ALAD: variants seen among roughly 807,000 people sequenced by gnomAD.
ALAD encodes aminolevulinate dehydratase, also known as delta-aminolevulinic acid dehydratase.
Under a neutral mutation model 44.4 loss-of-function variants are expected in ALAD, and 20 were observed. The ratio of observed to expected loss-of-function variants is 0.45; its 90% confidence interval spans 0.32 to 0.65. The LOEUF (loss-of-function observed/expected upper bound fraction) is 0.65, where lower values mean the gene tolerates loss of function less well. Among genes scored for constraint, ALAD ranks in the 30% least tolerant of loss-of-function variants. ALAD has a pLI of 0.05. For missense variants in ALAD, 323 were observed against 445.7 expected, an observed-to-expected ratio of 0.72 and a Z score of 2.48; for synonymous variants, 156 against 167.9, an observed-to-expected ratio of 0.93 and a Z score of 0.55.
chr9:113,390,786 G>GGA lies in ALAD; in HGVS notation c.397+11_397+12insTC. On this transcript the variant is annotated intron_variant, in intron 5 of 11. Coordinates refer to ENST00000409155, the MANE Select transcript of ALAD (RefSeq NM_000031.6). The stretch of plus-strand genomic sequence containing the variant: ...GGGTGGCAGCAGGGCTGGTGGGAGG[G>GGA]AGGGAACTCACCGCAGTGACCATGG... The GGA allele has an allele frequency of 3.1e-6, 5 of 1,604,558 alleles. No individual in the cohort carries two copies. The highest frequency in any genetic ancestry group is 3.4e-6 in the Non-Finnish European group (4 of 1,175,780).
chr9:113,393,167 G>A (rs1827641162), intron 2 of ALAD: 1 of 488,946 alleles, frequency 2.0e-6, no homozygotes. Flanking sequence ...AATGTACAGA[G>A]CACCTTCTCA....
chr9:113,392,080 C>T (rs763273792), intron 3 of ALAD, 39 bp downstream of exon 3: 1 of 1,555,796 alleles, frequency 6.4e-7, no homozygotes, highest in East Asian at 2.3e-5. Flanking sequence ...GAATCTCTCC[C>T]TCCACCACCC....
At chr9:113,399,116 T>A (rs1827800635) in intron 1 of ALAD, among the ~76,000 whole-genome samples, 1 of 152,208 alleles carries the variant, frequency 6.6e-6, no homozygotes, top group African/African-American at 2.4e-5. Context: ...GAAAGATCCA[T>A]GTTTCAGGGT....
Position 113,390,391 on chromosome 9 carries a change from T to C in ALAD, c.570+14A>G, listed in dbSNP as rs1827538314. 6.2e-7 allele frequency: 1 copy of C among 1,613,316 alleles called. No homozygotes were observed. On this transcript the variant is annotated intron_variant, in intron 7 of 11. Transcript: ENST00000409155. ...TATCTCCTGCCAGCCCTGTGCTGCA[T>C]TCCCTGCCCTTACCCTGTTGCCAAG...
intron 1 of ALAD, among the ~76,000 whole-genome samples, chr9:113,397,783 C>T (rs2119011385): frequency 6.6e-6 from 1 of 152,084 alleles, no homozygotes; most frequent in Non-Finnish European, 1.5e-5. Context: ...CATGACCATG[C>T]TTGGCTAATT....
chr9:113,397,620 C>CTTTT (rs554533853), intron 1 of ALAD, among the ~76,000 whole-genome samples: 38 of 108,776 alleles, frequency 3.5e-4, no homozygotes, highest in Non-Finnish European at 4.8e-4. Context: ...TTTTCCTTTT[C>CTTTT]TTTTTTTTTT....
intron 2 of ALAD, chr9:113,393,116 C>T (rs2118997532): frequency 9.2e-6 from 3 of 324,478 alleles, no homozygotes; most frequent in South Asian, 9.2e-5. Flanking sequence ...CCGTGCCCAG[C>T]CTCAATGACT....
At chr9:113,392,497 G>A in intron 2 of ALAD, 1 of 396,214 alleles carries the variant, frequency 2.5e-6, no homozygotes, top group Non-Finnish European at 4.4e-6. Context: ...GGTGACCGTG[G>A]CCAAGTTCTA....
intron 7 of ALAD, 121 bp from the exon 8 acceptor site, chr9:113,389,949 G>A: frequency 8.0e-7 from 1 of 1,244,814 alleles, no homozygotes; most frequent in South Asian, 1.3e-5. Flanking sequence ...GGTCCTGTTG[G>A]AGTGCTGGGC....
At chr9:113,391,110 G>A (rs1259697340) in intron 4 of ALAD, among the ~76,000 whole-genome samples, 177 bp from the exon 5 acceptor site, 2 of 152,220 alleles carry the variant, frequency 1.3e-5, no homozygotes, top group Non-Finnish European at 2.9e-5. Flanking sequence ...CAAAGACCAC[G>A]TCCATTCACC....
chr9:113,392,493 C>T (rs750845295), intron 2 of ALAD: 30 of 418,176 alleles, frequency 7.2e-5, no homozygotes, highest in Middle Eastern at 8.3e-4. Flanking sequence ...CCTGGGTGAC[C>T]GTGGCCAAGT....
rs1588081156 is a variant in ALAD at position 113,388,065 on chromosome 9, A to G, written c.*235T>C. On this transcript the variant is annotated 3_prime_UTR_variant, in exon 12 of 12. Coordinates refer to ENST00000409155, the MANE Select transcript of ALAD (RefSeq NM_000031.6). ...GCTGAGGGTGGCAAAGGTGGGCCTC[A>G]CGGCTGACCCAGGGGAGGGGCGGGG... 3 of 574,578 alleles carry G rather than the reference A, an allele frequency of 5.2e-6. No individual in the cohort carries two copies. Among genetic ancestry groups the G allele is most frequent in the Non-Finnish European group, 6.3e-6 (2 of 315,872 alleles). The allele number at this position is 574,578 out of a possible 1,614,324, so 35.6% of individuals were successfully genotyped here.
At chr9:113,400,554 G>A (rs1415974066) in intron 1 of ALAD, among the ~76,000 whole-genome samples, 1 of 152,234 alleles carries the variant, frequency 6.6e-6, no homozygotes, top group Non-Finnish European at 1.5e-5. Context: ...CGGGCGTGGT[G>A]GCTCACGCCT....
chr9:113,400,840 T>A (rs1289921586), intron 1 of ALAD, among the ~76,000 whole-genome samples: 2 of 151,872 alleles, frequency 1.3e-5, no homozygotes, highest in South Asian at 2.1e-4. Context: ...AATAAATAAA[T>A]AAAATAAATG....
intron 1 of ALAD, among the ~76,000 whole-genome samples, chr9:113,394,401 G>A (rs1827673857): frequency 6.6e-6 from 1 of 151,432 alleles, no homozygotes; most frequent in Non-Finnish European, 1.5e-5. Context: ...AGCCAGGTGT[G>A]GTGGTCCACA....
rs554533853 is a variant in ALAD at position 113,397,620 on chromosome 9, CTTTTTTTTTTT to C, written c.-76+3581_-76+3591del. 6.0e-4 allele frequency among the ~76,000 whole-genome samples: 65 copies of C among 108,782 alleles called. No individual in the cohort carries two copies. The East Asian group carries it at 0.015, about 25-fold the overall frequency. The allele number at this position is 108,782 out of a possible 152,430, so 71.4% of individuals were successfully genotyped here. A position where few individuals can be genotyped will look rare whatever the true frequency, so the allele number is the denominator to read the frequency against. On this transcript the variant is annotated intron_variant, in intron 1 of 11. Coordinates refer to ENST00000409155, the MANE Select transcript of ALAD (RefSeq NM_000031.6). ...TCTGCCAGGAGTTTTTTTTCCTTTT[CTTTTTTTTTTT>C]TTTTTTTTTTTGAGACAGAGTCTGG... is the stretch of plus-strand genomic sequence containing the variant.
intron 1 of ALAD, among the ~76,000 whole-genome samples, chr9:113,394,498 A>G (rs1204599344): frequency 6.6e-6 from 1 of 151,870 alleles, no homozygotes; most frequent in Non-Finnish European, 1.5e-5. Context: ...TGATTGCACC[A>G]CTGCACTCCA....
rs142281125 is a variant in ALAD, at chr9:113,390,883, T to G, written c.312A>C (p.Ala104=). 264 of 1,614,010 alleles carry G rather than the reference T, an allele frequency of 1.6e-4. No individual in the cohort carries two copies. Among genetic ancestry groups the G allele is most frequent in the Non-Finnish European group, 2.1e-4 (244 of 1,180,022 alleles). The change falls in exon 5 of 12, where the codon GCA becomes GCC. Residue 104 remains alanine, a synonymous_variant. Coordinates refer to ENST00000409155, the MANE Select transcript of ALAD (RefSeq NM_000031.6). ...ADSEESPAIE[A]IHLLRKTFPN... The stretch of plus-strand genomic sequence containing the variant: ...GGAAGGTCTTCCTCAACAGATGGAT[T>G]GCCTCAATAGCTGGGGACTCCTCGG...
chr9:113,397,186 C>T (rs1827752875), intron 1 of ALAD: 1 of 152,218 alleles, frequency 6.6e-6, no homozygotes, highest in South Asian at 2.1e-4. Flanking sequence ...CAGAAAACCA[C>T]CTTTGTAACA....
Sources: gnomAD v4.1 joint callset for allele counts (sites outside exome capture counted in the v4.1 genomes callset) on GRCh38, gnomAD v4.1.1 for gene constraint, MANE v1.5 for transcripts, NCBI Gene and HGNC (gene_info 2026-07-23, HGNC 2026-07-21) for gene names.